The following ADAMTS5 variants were observed in gnomAD, a reference collection of about 807,000 sequenced individuals.
The protein encoded by ADAMTS5 is ADAM metallopeptidase with thrombospondin type 1 motif 5.
A neutral mutation model predicts 81.4 loss-of-function variants in ADAMTS5; 54 were observed. The observed-to-expected ratio is 0.66, with a 90% CI of 0.53 to 0.83. The LOEUF (loss-of-function observed/expected upper bound fraction) is 0.83. ADAMTS5 is among the 40% of genes least tolerant of loss of function. The probability of loss-of-function intolerance (pLI) is 0.00; values close to 1 mark genes in which losing one functional copy is unlikely to be tolerated. For synonymous variants in ADAMTS5, 532 were observed against 508.8 expected, an observed-to-expected ratio of 1.05 and a Z score of -0.61; for missense variants, 1,194 against 1,229.9, an observed-to-expected ratio of 0.97 and a Z score of 0.44.
rs143733618 is a variant in ADAMTS5, at chr21:26,957,636, T to A, written c.1105-2765A>T. 3.9e-5 allele frequency among the ~76,000 whole-genome samples: 6 copies of A among 152,256 alleles called. No individual in the cohort carries two copies. The East Asian group carries it at 1.2e-3, about 29-fold the overall frequency. ...TATCTTTGTCATATCAAATAAGGCT[T>A]GTTTTATGCAAGATCAATATCTTAT... is the stretch of plus-strand genomic sequence containing the variant. On this transcript the variant is annotated intron_variant, in intron 1 of 7. Coordinates refer to ENST00000284987, the MANE Select transcript of ADAMTS5 (RefSeq NM_007038.5).
chr21:26,932,001 T>TA lies in ADAMTS5; in HGVS notation c.2049+2dup. 1 of 1,610,498 alleles carries TA rather than the reference T, an allele frequency of 6.2e-7. No individual in the cohort carries two copies. Among genetic ancestry groups the TA allele is most frequent in the Non-Finnish European group, 8.5e-7 (1 of 1,178,166 alleles). On this transcript the variant is annotated splice_region_variant and intron_variant, in intron 6 of 7. Coordinates refer to ENST00000284987, the MANE Select transcript of ADAMTS5 (RefSeq NM_007038.5). ...TGCTTCTGGACAGTTGGTGTGTAGTTACCTTTGGAGAAAATACCACATAGT... is the reference window on the plus strand; with the variant it reads ...TGCTTCTGGACAGTTGGTGTGTAGTTAACCTTTGGAGAAAATACCACATAGT...
chr21:26,923,809 C>T lies in ADAMTS5; in HGVS notation c.*244G>A, dbSNP rs566091449. ...CCTGATTTTACATTCATCAGTGTTTCTTGTAAGCCCAGGGGATGTTCAATA... is the reference window on the plus strand; with the variant it reads ...CCTGATTTTACATTCATCAGTGTTTTTTGTAAGCCCAGGGGATGTTCAATA... On this transcript the variant is annotated 3_prime_UTR_variant, in exon 8 of 8. Transcript: ENST00000284987. 160 of 427,986 alleles carry T rather than the reference C, an allele frequency of 3.7e-4. No individual in the cohort carries two copies. Among genetic ancestry groups the T allele is most frequent in the Non-Finnish European group, 1.5e-4 (35 of 239,240 alleles). 26.5% of individuals were successfully genotyped at this position (427,986 alleles called of 1,614,324 possible). A position where few individuals can be genotyped will look rare whatever the true frequency, so the allele number is the denominator to read the frequency against.
rs189985158 is a variant in ADAMTS5 at position 26,961,687 on chromosome 21, T to A, written c.1104+3601A>T. ...AAATGTTAATTAGAGCTGCTTAGTC[T>A]GCTACCAGTCTCCCCACTTCTGAGT... On this transcript the variant is annotated intron_variant, in intron 1 of 7. Transcript: ENST00000284987. Among the ~76,000 whole-genome samples, 255 of 152,364 alleles carry A rather than the reference T, an allele frequency of 1.7e-3. 1 individual carries two copies. Among genetic ancestry groups the A allele is most frequent in the African/African-American group, 5.9e-3 (244 of 41,592 alleles).
intron 1 of ADAMTS5, among the ~76,000 whole-genome samples, chr21:26,958,875 C>T (rs1458100500): frequency 6.6e-6 from 1 of 152,266 alleles, no homozygotes; most frequent in Middle Eastern, 3.4e-3. Context: ...AAGGTGTCTC[C>T]ACGGAAGTGA....
rs1421257868 is a variant in ADAMTS5 at position 26,934,709 on chromosome 21, G to T, written c.1446C>A (p.Gly482=). ...AGGTCTGTCCTGGGAGTTCTTCGGG[G>T]CCCAGGATCTGCTTTCGTGGTAGGT... ...LLDLPRKQIL[G]PEELPGQTYD... The change falls in exon 4 of 8, where the codon GGC becomes GGA. Residue 482 remains glycine, a synonymous_variant. Transcript: ENST00000284987. 3.7e-6 allele frequency: 6 copies of T among 1,614,066 alleles called. No individual in the cohort carries two copies. Among genetic ancestry groups the T allele is most frequent in the Non-Finnish European group, 5.1e-6 (6 of 1,180,036 alleles).
At position 26,965,751 on chromosome 21, in the gene ADAMTS5, G is replaced by C. The variant is rs1189097967; in HGVS notation, c.641C>G (p.Ser214Cys). 6.3e-7 allele frequency: 1 copy of C among 1,597,474 alleles called. No individual in the cohort carries two copies. Among genetic ancestry groups the C allele is most frequent in the African/African-American group, 1.3e-5 (1 of 74,570 alleles). ...AGCATGCTCGTGGGCCTCCGGTGTGGACGCGGGGGTTTCGCAGCTGGCGCG... is the reference window on the plus strand; with the variant it reads ...AGCATGCTCGTGGGCCTCCGGTGTGCACGCGGGGGTTTCGCAGCTGGCGCG... ...PPRASCETPASTPEAHEHAPA... is the reference protein window; with the variant it reads ...PPRASCETPACTPEAHEHAPA... Residue 214 changes from serine to cysteine, a missense_variant, in exon 1 of 8, where the codon TCC becomes TGC. Ser to Cys is a moderately radical substitution (Grantham distance 112, BLOSUM62 -1). This residue lies in a region of ADAMTS5 where 498 missense variants were observed against 412.3 expected (regional missense o/e 1.21). Transcript: ENST00000284987.
Position 26,919,782 on chromosome 21 carries a change from A to C in ADAMTS5, c.*4271T>G, listed in dbSNP as rs1986655715. 6.6e-6 allele frequency: 1 copy of C among 152,126 alleles called. No individual in the cohort carries two copies. Among genetic ancestry groups the C allele is most frequent in the South Asian group, 2.1e-4 (1 of 4,824 alleles). 9.4% of individuals were successfully genotyped at this position (152,126 alleles called of 1,614,324 possible). A position where few individuals can be genotyped will look rare whatever the true frequency, so the allele number is the denominator to read the frequency against. On this transcript the variant is annotated 3_prime_UTR_variant, in exon 8 of 8. Coordinates refer to ENST00000284987, the MANE Select transcript of ADAMTS5 (RefSeq NM_007038.5). ...GATTCTTAGGAAGATTTTTCAATGTACTAGCCAGTTAAGTTGATCTATCTG... is the reference window on the plus strand; with the variant it reads ...GATTCTTAGGAAGATTTTTCAATGTCCTAGCCAGTTAAGTTGATCTATCTG...
rs139013186 is a variant in ADAMTS5, at chr21:26,945,387, G to C, written c.1238-1840C>G. ...CAACATAATATTTATTTGAATCCAG[G>C]TTTTTACTTAAAAAATGTGATGTAT... On this transcript the variant is annotated intron_variant, in intron 2 of 7. Coordinates refer to ENST00000284987, the MANE Select transcript of ADAMTS5 (RefSeq NM_007038.5). Among the ~76,000 whole-genome samples, 157 of 152,144 alleles carry C rather than the reference G, an allele frequency of 1.0e-3. 1 individual carries two copies. The highest frequency in any genetic ancestry group is 3.6e-3 in the African/African-American group (148 of 41,522).
chr21:26,935,943 C>A (rs1318244277), intron 3 of ADAMTS5, among the ~76,000 whole-genome samples: 1 of 152,142 alleles, frequency 6.6e-6, no homozygotes, highest in Non-Finnish European at 1.5e-5. Context: ...TATATGAGCT[C>A]ATTTAATCCT....
rs1350189897 is a variant in ADAMTS5 at position 26,949,184 on chromosome 21, C to CAT, written c.1237+5553_1237+5554dup. On this transcript the variant is annotated intron_variant, in intron 2 of 7. Transcript: ENST00000284987. ...CATATATCCATATATATATATCACACATATATATATATATGGAGAGAGAGA... is the reference window on the plus strand; with the variant it reads ...CATATATCCATATATATATATCACACATATATATATATATATGGAGAGAGAGA... Among the ~76,000 whole-genome samples, 226 of 144,160 alleles carry CAT rather than the reference C, an allele frequency of 1.6e-3. 1 individual carries two copies. Among genetic ancestry groups the CAT allele is most frequent in the African/African-American group, 2.8e-3 (109 of 39,494 alleles). 94.6% of individuals were successfully genotyped at this position (144,160 alleles called of 152,430 possible).
chr21:26,965,701 G>T lies in ADAMTS5; in HGVS notation c.691C>A (p.Arg231Ser). ...AAGAGCTGCGAGGCCAGTGCTGCGC[G>T]TCCGCTCGGGTTGCTGTGCGCCGGA... ...HAPAHSNPSG[R>S]AALASQLLDQ... Residue 231 changes from arginine to serine, a missense_variant, in exon 1 of 8, where the codon CGC (arginine) becomes AGC (serine). Coordinates refer to ENST00000284987, the MANE Select transcript of ADAMTS5 (RefSeq NM_007038.5). The T allele has an allele frequency of 6.3e-7, 1 of 1,581,294 alleles. No homozygotes were observed.
chr21:26,927,377 C>CTCT (rs1283309294), intron 7 of ADAMTS5, among the ~76,000 whole-genome samples: 1 of 152,100 alleles, frequency 6.6e-6, no homozygotes, highest in South Asian at 2.1e-4. Context: ...AGGAGATGTC[C>CTCT]TCTTGTACAT....
chr21:26,929,944 C>T lies in ADAMTS5; in HGVS notation c.2167G>A (p.Val723Ile). ...CAGCTGGAGTTGTCTCCTCCACATA[C>T]TCCGCACTTGTCATACTGCAGCTTT... The part of the protein sequence containing the change: ...GSKLQYDKCG[V>I]CGGDNSSCTK... The change falls in exon 7 of 8, where the codon GTA becomes ATA. Residue 723 changes from valine to isoleucine, a missense_variant. Val to Ile is a conservative substitution (Grantham distance 29). Around this residue, in one of 2 missense-constraint regions of ADAMTS5, gnomAD observed 696 missense variants for 817.6 expected, o/e 0.85. Coordinates refer to ENST00000284987, the MANE Select transcript of ADAMTS5 (RefSeq NM_007038.5). 1 of 1,614,150 alleles carries T rather than the reference C, an allele frequency of 6.2e-7. No individual in the cohort carries two copies. The highest frequency in any genetic ancestry group is 8.5e-7 in the Non-Finnish European group (1 of 1,179,998).
chr21:26,949,348 C>T (rs1987276747), intron 2 of ADAMTS5, among the ~76,000 whole-genome samples: 1 of 151,828 alleles, frequency 6.6e-6, no homozygotes, highest in Non-Finnish European at 1.5e-5. Context: ...CACACCACCA[C>T]CCTTGGCTAA....
Position 26,934,582 on chromosome 21 carries a change from C to T in ADAMTS5, c.1573G>A (p.Gly525Ser), listed in dbSNP as rs1286855183. Residue 525 changes from glycine (G) to serine (S), a missense_variant, in exon 4 of 8, where the codon GGC becomes AGC. By Grantham distance (56) the Gly-to-Ser change is moderately conservative. Coordinates refer to ENST00000284987, the MANE Select transcript of ADAMTS5 (RefSeq NM_007038.5). ...TTCTTGGTCAGACAGACCATCTGGC[C>T]CTGGCGTACCACAGCACACCACAGG... ...ARLWCAVVRQ[G>S]QMVCLTKKLP... is the part of the protein sequence containing the mutation. 6.2e-7 allele frequency: 1 copy of T among 1,614,076 alleles called. No individual in the cohort carries two copies.
chr21:26,965,305 T>G lies in ADAMTS5; in HGVS notation c.1087A>C (p.Ile363Leu). 1.9e-6 allele frequency: 3 copies of G among 1,613,462 alleles called. No homozygotes were observed. The highest frequency in any genetic ancestry group is 1.7e-6 in the Non-Finnish European group (2 of 1,179,510). Residue 363 changes from isoleucine to leucine, a missense_variant, in exon 1 of 8, where the codon ATC (isoleucine) becomes CTC (leucine). Around this residue, in one of 2 missense-constraint regions of ADAMTS5, gnomAD observed 696 missense variants for 817.6 expected, o/e 0.85. Transcript: ENST00000284987. ...DDHEEHYDAA[I>L]LFTREDLCGH... ...GGACCTACCTCCCGAGTAAACAGGA[T>G]AGCTGCATCGTAGTGCTCCTCATGG...
At chr21:26,964,476 A>T (rs1774104314) in intron 1 of ADAMTS5, among the ~76,000 whole-genome samples, 1 of 152,180 alleles carries the variant, frequency 6.6e-6, no homozygotes, top group South Asian at 2.1e-4. Flanking sequence ...CTTCGCCCAG[A>T]TCTTCTGCAC....
intron 2 of ADAMTS5, among the ~76,000 whole-genome samples, chr21:26,950,624 T>C (rs1568848809): frequency 6.6e-6 from 1 of 152,228 alleles, no homozygotes; most frequent in Non-Finnish European, 1.5e-5. Context: ...TCCAGAAGTC[T>C]GTATTGGCAT....
intron 3 of ADAMTS5, among the ~76,000 whole-genome samples, chr21:26,937,572 A>G (rs1987036820): frequency 6.6e-6 from 1 of 152,244 alleles, no homozygotes; most frequent in Non-Finnish European, 1.5e-5. Flanking sequence ...TGGTGCCAAG[A>G]AACAGTAACA....
Sources: gnomAD v4.1 joint callset for allele counts (sites outside exome capture counted in the v4.1 genomes callset) on GRCh38, gnomAD v4.1.1 for gene constraint, gnomAD v4.1.1 regional missense constraint, MANE v1.5 for transcripts, NCBI Gene and HGNC (gene_info 2026-07-23, HGNC 2026-07-21) for gene names.